Variants in TRANK1 observed in about 807,000 individuals in gnomAD.
TRANK1 encodes TPR and ankyrin repeat-containing protein 1.
A neutral mutation model predicts 266.0 loss-of-function variants in TRANK1; 198 were observed. The observed-to-expected ratio is 0.74, with a 90% CI of 0.66 to 0.84. TRANK1 has a LOEUF of 0.84. Among genes scored for constraint, TRANK1 ranks in the 40% least tolerant of loss-of-function variants. TRANK1 has a pLI of 0.00. For missense variants in TRANK1, 3,326 were observed against 3,634.6 expected (o/e 0.92, Z 2.18); for synonymous variants, 1,396 against 1,384.1 (o/e 1.01, Z -0.19).
Position 36,833,595 on chromosome 3 carries a change from G to A in TRANK1, c.5988C>T (p.Ala1996=). The change falls in exon 22 of 24, where the codon GCC becomes GCT. Residue 1996 remains alanine (A), a synonymous_variant. Transcript: ENST00000645898. ...DFQASCLLGA[A]RLNVARDSDI... ...CGGAATCCCTGGCCACATTGAGGCG[G>A]GCGGCCCCCAGCAGACATGAGGCCT... 6.2e-7 allele frequency: 1 copy of A among 1,613,934 alleles called. No homozygotes were observed.
At chr3:36,851,877 A>T (rs774510623) in intron 14 of TRANK1, 21 bp from the exon 15 acceptor site, 2 of 1,572,200 alleles carry the variant, frequency 1.3e-6, no homozygotes, top group East Asian at 2.3e-5. Context: ...ACAAAAGAAC[A>T]TCAAATTCTA....
intron 10 of TRANK1, 93 bp from the exon 11 acceptor site, chr3:36,861,253 A>C: frequency 2.2e-6 from 3 of 1,372,706 alleles, no homozygotes; most frequent in African/African-American, 1.5e-5. Flanking sequence ...TATAATTAAC[A>C]CGGATTATAT....
At chr3:36,942,482 C>CAAAAAAAAAAA (rs565174922) in intron 1 of TRANK1, among the ~76,000 whole-genome samples, 2 of 79,946 alleles carry the variant, frequency 2.5e-5, no homozygotes, top group Non-Finnish European at 4.8e-5. Flanking sequence ...TCTTCTTCCT[C>CAAAAAAAAAAA]AAAAAAAAAA....
At chr3:36,846,165 C>A in intron 17 of TRANK1, 83 bp downstream of exon 17, 2 of 1,328,774 alleles carry the variant, frequency 1.5e-6, no homozygotes, top group Non-Finnish European at 2.0e-6. Flanking sequence ...TTCAAAATAC[C>A]ACACCTTTTA....
rs751497455 is a variant in TRANK1, at chr3:36,833,273, T to C, written c.6310A>G (p.Asn2104Asp). The C allele has an allele frequency of 1.9e-6, 3 of 1,614,000 alleles. No homozygotes were observed. The highest frequency in any genetic ancestry group is 2.5e-6 in the Non-Finnish European group (3 of 1,179,888). ...GATTTGACCATTTCCTTCTCAGCAT[T>C]GTTGGTCACTCTTTTGAGAGCCCTG... ...LVRALKRVTN[N>D]AEKEMVKSCF... The change falls in exon 22 of 24, where the codon AAT (asparagine) becomes GAT (aspartate). Residue 2104 changes from asparagine (N) to aspartate (D), a missense_variant. Asn to Asp is a conservative substitution (Grantham distance 23). Coordinates refer to ENST00000645898, the MANE Select transcript of TRANK1 (RefSeq NM_001329998.2).
chr3:36,880,398 G>T, intron 8 of TRANK1: 1 of 335,728 alleles, frequency 3.0e-6, no homozygotes, highest in East Asian at 9.6e-5. Context: ...TTTCTCAGCA[G>T]CATCTCTTTC....
At chr3:36,855,139 AC>A (rs771452990) in intron 13 of TRANK1, 33 bp downstream of exon 13, 3 of 1,561,584 alleles carry the variant, frequency 1.9e-6, no homozygotes, top group South Asian at 2.4e-5. Flanking sequence ...GTGCCTAAGC[AC>A]CCCCAGTAGG....
chr3:36,929,818 A>G (rs1252785111), intron 1 of TRANK1, among the ~76,000 whole-genome samples: 1 of 152,238 alleles, frequency 6.6e-6, no homozygotes, highest in Non-Finnish European at 1.5e-5. Flanking sequence ...GAACTCTTTG[A>G]CTGTGGCCCT....
chr3:36,914,390 C>T (rs1490175017), intron 1 of TRANK1, among the ~76,000 whole-genome samples: 2 of 151,344 alleles, frequency 1.3e-5, no homozygotes, highest in East Asian at 3.9e-4. Flanking sequence ...CAGGTGATCC[C>T]TCGGTCTTCC....
In TRANK1 at chr3:36,860,771, A is replaced by T; in HGVS notation, c.1495+135T>A. The T allele has an allele frequency of 1.1e-5, 14 of 1,308,192 alleles. No homozygotes were observed. The South Asian group carries it at 2.0e-4, about 19-fold the overall frequency. The allele number at this position is 1,308,192 out of a possible 1,614,324, so 81.0% of individuals were successfully genotyped here. A position where few individuals can be genotyped will look rare whatever the true frequency, so the allele number is the denominator to read the frequency against. On this transcript the variant is annotated intron_variant, in intron 11 of 23. Transcript: ENST00000645898. ...TAACCTCCATCACTGTTTCAAAACA[A>T]GAATATACAGGGTAGGCAATGAGGG...
intron 20 of TRANK1, among the ~76,000 whole-genome samples, chr3:36,835,643 T>C (rs1297691635): frequency 2.0e-5 from 3 of 152,032 alleles, no homozygotes; most frequent in East Asian, 3.9e-4. Flanking sequence ...AAAAGACACA[T>C]GAAATAAGCT....
Position 36,889,928 on chromosome 3 carries a change from G to T in TRANK1, c.808C>A (p.His270Asn). 1 of 1,537,190 alleles carries T rather than the reference G, an allele frequency of 6.5e-7. No homozygotes were observed. The highest frequency in any genetic ancestry group is 8.7e-7 in the Non-Finnish European group (1 of 1,146,906). Reference protein sequence around the residue: ...ENHLFRWLMDHKPEWKGRINQ... With the variant: ...ENHLFRWLMDNKPEWKGRINQ... ...ATGCGGCCTTTCCACTCGGGCTTGT[G>T]ATCCATTAACCACCGGAAAAGATGG... The change falls in exon 8 of 24, where the codon CAC (histidine) becomes AAC (asparagine). Residue 270 changes from histidine (H) to asparagine (N), a missense_variant. His to Asn is a moderately conservative substitution (Grantham distance 68). Coordinates refer to ENST00000645898, the MANE Select transcript of TRANK1 (RefSeq NM_001329998.2).
At chr3:36,907,459 A>ATTTTTTT (rs1212991729) in intron 2 of TRANK1, among the ~76,000 whole-genome samples, 5 of 104,350 alleles carry the variant, frequency 4.8e-5, no homozygotes, top group Non-Finnish European at 7.5e-5. Context: ...AAATTTATTG[A>ATTTTTTT]TTTTTTTTTT....
At chr3:36,852,062 C>G in intron 14 of TRANK1, 84 bp downstream of exon 14, 1 of 1,428,822 alleles carries the variant, frequency 7.0e-7, no homozygotes, top group Non-Finnish European at 9.3e-7. Flanking sequence ...TTTAATGCTA[C>G]TTTGTGGTAT....
rs2079459190 is a variant in TRANK1, at chr3:36,879,713, T to C, written c.908-5417A>G. On this transcript the variant is annotated intron_variant, in intron 8 of 23. Transcript: ENST00000645898. ...AAATATATAAATATAAATATAAATA[T>C]ATAAATATATAAATATATATAAATA... Among the ~76,000 whole-genome samples the C allele has an allele frequency of 1.8e-5, 2 of 114,182 alleles. 1 individual carries two copies. Among genetic ancestry groups the C allele is most frequent in the Non-Finnish European group, 3.4e-5 (2 of 58,192 alleles). The allele number at this position is 114,182 out of a possible 152,430, so 74.9% of individuals were successfully genotyped here.
chr3:36,833,712 G>A lies in TRANK1; in HGVS notation c.5871C>T (p.Asn1957=). Residue 1957 remains asparagine, a synonymous_variant, in exon 22 of 24, where the codon AAC becomes AAT. Transcript: ENST00000645898. ...CAGCCTCTTCTCTCCTACCTTCCCTGTTCAGCAGGTCTGCAGCTTCTGCTA... is the reference window on the plus strand; with the variant it reads ...CAGCCTCTTCTCTCCTACCTTCCCTATTCAGCAGGTCTGCAGCTTCTGCTA... ...KRLAEAADLL[N]REGRREEAAL... is the part of the protein sequence containing the mutation. 1 of 1,613,994 alleles carries A rather than the reference G, an allele frequency of 6.2e-7. No homozygotes were observed. The highest frequency in any genetic ancestry group is 1.1e-5 in the South Asian group (1 of 91,090).
intron 1 of TRANK1, among the ~76,000 whole-genome samples, chr3:36,929,886 G>GTTGTTGTTT (rs2080337718): frequency 7.5e-6 from 1 of 133,058 alleles, no homozygotes; most frequent in African/African-American, 3.2e-5. Flanking sequence ...GCAGCAGATT[G>GTTGTTGTTT]TTGTTGTTGT....
rs1390921006 is a variant in TRANK1 at position 36,830,954 on chromosome 3, T to C, written c.8629A>G (p.Met2877Val). The change falls in exon 22 of 24, where the codon ATG (methionine) becomes GTG (valine). Residue 2877 changes from methionine (M) to valine (V), a missense_variant. Met to Val is a conservative substitution (Grantham distance 21). Transcript: ENST00000645898. ...SHVGSKEHSH[M>V]LQKVQEHIKR... ...ATGTGCTCCTGGACCTTCTGCAGCA[T>C]GTGGCTGTGCTCCTTGGAGCCCACG... 1.1e-5 allele frequency: 17 copies of C among 1,614,040 alleles called. No individual in the cohort carries two copies. The highest frequency in any genetic ancestry group is 1.4e-5 in the Non-Finnish European group (17 of 1,179,896).
At chr3:36,834,494 C>T (rs2078740047) in intron 21 of TRANK1, 2 of 342,300 alleles carry the variant, frequency 5.8e-6, no homozygotes, top group East Asian at 4.9e-5. Context: ...AGTCAGAATA[C>T]GTCATTATAT....
Sources: allele counts gnomAD v4.1 joint callset (sites outside exome capture counted in the v4.1 genomes callset), GRCh38; gene constraint gnomAD v4.1.1; transcripts MANE v1.5; gene names NCBI Gene and HGNC (gene_info 2026-07-23, HGNC 2026-07-21).